Variants in KCNJ6 observed in about 807,000 individuals in gnomAD.
KCNJ6 encodes the protein G protein-activated inward rectifier potassium channel 2.
In KCNJ6, 9 loss-of-function variants were observed where a neutral mutation model predicts 34.2. The ratio of observed to expected loss-of-function variants is 0.26; its 90% CI spans 0.16 to 0.46. The LOEUF (loss-of-function observed/expected upper bound fraction) is 0.46, where lower values mean the gene tolerates loss of function less well. KCNJ6 is among the 20% of genes least tolerant of loss of function. The pLI is 1.00. For synonymous variants in KCNJ6, 196 were observed against 207.1 expected (o/e 0.95, Z 0.46); for missense variants, 236 against 531.3 (o/e 0.44, Z 5.46).
At chr21:37,813,326 A>G (rs1601484114) in intron 2 of KCNJ6, among the ~76,000 whole-genome samples, 1 of 152,230 alleles carries the variant, frequency 6.6e-6, no homozygotes, top group Non-Finnish European at 1.5e-5. Flanking sequence ...AAATGTCGAT[A>G]CTACCCAAAG....
chr21:37,709,763 C>G (rs180711252), intron 3 of KCNJ6, among the ~76,000 whole-genome samples: 1 of 152,274 alleles, frequency 6.6e-6, no homozygotes, highest in Admixed American at 6.5e-5. Context: ...CCCTCCAACT[C>G]AAAAATTTTA....
chr21:37,910,742 T>C (rs931170071), intron 1 of KCNJ6, among the ~76,000 whole-genome samples: 2 of 152,228 alleles, frequency 1.3e-5, no homozygotes, highest in African/African-American at 4.8e-5. Flanking sequence ...CTCAAGGAGA[T>C]AATGGGTTTA....
intron 1 of KCNJ6, among the ~76,000 whole-genome samples, chr21:37,846,755 C>T (rs2836023): frequency 0.26 from 39,617 of 151,928 alleles, 6,361 homozygotes; most frequent in South Asian, 0.39. Flanking sequence ...AAGTAGGAAA[C>T]GATAAAGCCA....
chr21:37,652,578 TG>T (rs1175228328), intron 3 of KCNJ6, among the ~76,000 whole-genome samples: 1 of 152,070 alleles, frequency 6.6e-6, no homozygotes, highest in African/African-American at 2.4e-5. Context: ...GTCAAATATT[TG>T]GGAGAAAGAG....
At chr21:37,825,606 T>C (rs2055395215) in intron 2 of KCNJ6, among the ~76,000 whole-genome samples, 1 of 152,330 alleles carries the variant, frequency 6.6e-6, no homozygotes, top group East Asian at 1.9e-4. Context: ...AAACACATAC[T>C]GTGCTTTCCT....
At chr21:37,850,720 G>C (rs1445089731) in intron 1 of KCNJ6, among the ~76,000 whole-genome samples, 1 of 152,084 alleles carries the variant, frequency 6.6e-6, no homozygotes, top group African/African-American at 2.4e-5. Flanking sequence ...AGTTTGGTAT[G>C]GTCACTAGAA....
intron 1 of KCNJ6, among the ~76,000 whole-genome samples, chr21:37,912,679 TC>T (rs1303417214): frequency 6.6e-6 from 1 of 152,220 alleles, no homozygotes; most frequent in Non-Finnish European, 1.5e-5. Context: ...TCAATACCTA[TC>T]AGGAACTGAA....
At position 37,711,799 on chromosome 21, in the gene KCNJ6, C is replaced by CA. The variant is rs374847282; in HGVS notation, c.946+2411_946+2412insT. 3.6e-3 allele frequency among the ~76,000 whole-genome samples: 487 copies of CA among 134,964 alleles called. 2 individuals are homozygous for CA. Among genetic ancestry groups the CA allele is most frequent in the African/African-American group, 0.014 (461 of 32,606 alleles). 88.5% of individuals were successfully genotyped at this position (134,964 alleles called of 152,430 possible). A position where few individuals can be genotyped will look rare whatever the true frequency, so the allele number is the denominator to read the frequency against. On this transcript the variant is annotated intron_variant, in intron 3 of 3. Coordinates refer to ENST00000609713, the MANE Select transcript of KCNJ6 (RefSeq NM_002240.5). ...AGACACCTCCAGAACTTTCTAGAAC[C>CA]CCCCCCCCAAGTCTAGAAATTAGAA...
At chr21:37,902,776 C>T (rs919952311) in intron 1 of KCNJ6, among the ~76,000 whole-genome samples, 8 of 152,186 alleles carry the variant, frequency 5.3e-5, no homozygotes, top group African/African-American at 1.9e-4. Context: ...AGCCTGAGAA[C>T]ATGACTTTGC....
rs73904489 is a variant in KCNJ6 at position 37,895,512 on chromosome 21, C to T, written c.-28+20372G>A. 9.4e-3 allele frequency among the ~76,000 whole-genome samples: 1,436 copies of T among 152,290 alleles called. 26 individuals carry two copies. Among genetic ancestry groups the T allele is most frequent in the African/African-American group, 0.032 (1,347 of 41,540 alleles). On this transcript the variant is annotated intron_variant, in intron 1 of 3. Transcript: ENST00000609713. ...TCCAACATTTCTCTCCTTGACCCAT[C>T]CCCATTTCTAGCTACCTTCACTGAC...
chr21:37,750,009 G>T (rs1409561629), intron 2 of KCNJ6, among the ~76,000 whole-genome samples: 3 of 152,126 alleles, frequency 2.0e-5, no homozygotes, highest in Non-Finnish European at 4.4e-5. Context: ...ACCTTTATCT[G>T]CAGGATAAAA....
intron 3 of KCNJ6, among the ~76,000 whole-genome samples, chr21:37,701,332 C>G (rs1277900723): frequency 6.6e-6 from 1 of 152,114 alleles, no homozygotes; most frequent in Non-Finnish European, 1.5e-5. Context: ...AACTGGTTGC[C>G]TGGAGTTATT....
chr21:37,721,704 G>A (rs563449627), intron 2 of KCNJ6, among the ~76,000 whole-genome samples: 8 of 152,324 alleles, frequency 5.3e-5, no homozygotes, highest in African/African-American at 1.9e-4. Context: ...TCTGATACAG[G>A]CTACAACATG....
chr21:37,681,594 G>A (rs1444177152), intron 3 of KCNJ6, among the ~76,000 whole-genome samples: 1 of 152,220 alleles, frequency 6.6e-6, no homozygotes, highest in Admixed American at 6.5e-5. Flanking sequence ...GATCTGTCTT[G>A]AGGGAGTTGC....
intron 2 of KCNJ6, among the ~76,000 whole-genome samples, chr21:37,834,717 C>G (rs1372314406): frequency 6.6e-6 from 1 of 152,230 alleles, no homozygotes; most frequent in Non-Finnish European, 1.5e-5. Context: ...GACACAACAG[C>G]ATTTCAAATC....
At chr21:37,904,462 TTGG>T (rs1004462076) in intron 1 of KCNJ6, among the ~76,000 whole-genome samples, 1 of 152,228 alleles carries the variant, frequency 6.6e-6, no homozygotes, top group African/African-American at 2.4e-5. Flanking sequence ...TCATTTTTTT[TTGG>T]TATCACTTTG....
chr21:37,800,952 C>G (rs1391262014), intron 2 of KCNJ6, among the ~76,000 whole-genome samples: 1 of 152,136 alleles, frequency 6.6e-6, no homozygotes, highest in African/African-American at 2.4e-5. Context: ...AACTGGATGC[C>G]TCTGCGGAGG....
At chr21:37,802,842 A>C (rs1438909977) in intron 2 of KCNJ6, among the ~76,000 whole-genome samples, 1 of 152,176 alleles carries the variant, frequency 6.6e-6, no homozygotes, top group Non-Finnish European at 1.5e-5. Context: ...GAAACACATC[A>C]GTGGGGAGCA....
chr21:37,827,457 G>A (rs573954588), intron 2 of KCNJ6, among the ~76,000 whole-genome samples: 2 of 151,798 alleles, frequency 1.3e-5, no homozygotes, highest in African/African-American at 4.8e-5. Context: ...AGTAGAAATC[G>A]ATCAACAAGA....
Sources: gnomAD v4.1 joint callset for allele counts (sites outside exome capture counted in the v4.1 genomes callset) on GRCh38, gnomAD v4.1.1 for gene constraint, MANE v1.5 for transcripts, NCBI Gene and HGNC (gene_info 2026-07-23, HGNC 2026-07-21) for gene names.